XKR6: variants seen among roughly 807,000 people sequenced by gnomAD.
XKR6 encodes the protein XK-related protein 6.
A neutral mutation model predicts 56.7 loss-of-function variants in XKR6; 22 were observed. The observed-to-expected ratio is 0.39, with a 90% CI of 0.28 to 0.55. XKR6 has a LOEUF of 0.55. XKR6 is among the 20% of genes least tolerant of loss of function. XKR6 has a pLI of 0.66. For synonymous variants in XKR6, 524 were observed against 387.8 expected (o/e 1.35, Z -4.13); for missense variants, 852 against 889.0 (o/e 0.96, Z 0.53).
rs1020520216 is a variant in XKR6, at chr8:10,896,341, C to T, written c.*1611G>A. On this transcript the variant is annotated 3_prime_UTR_variant, in exon 3 of 3. Coordinates refer to ENST00000416569, the MANE Select transcript of XKR6 (RefSeq NM_173683.4). ...CAAATCCTCACCCAAATGGCATGGCCTCTAAGGCCTGCAGTCCGCTGCTGG... is the reference window on the plus strand; with the variant it reads ...CAAATCCTCACCCAAATGGCATGGCTTCTAAGGCCTGCAGTCCGCTGCTGG... 1.3e-5 allele frequency: 2 copies of T among 152,532 alleles called. No individual in the cohort carries two copies. The highest frequency in any genetic ancestry group is 2.4e-5 in the African/African-American group (1 of 41,404). The allele number at this position is 152,532 out of a possible 1,614,324, so 9.4% of individuals were successfully genotyped here.
At chr8:11,050,571 T>TAA (rs56370844) in intron 1 of XKR6, among the ~76,000 whole-genome samples, 1,502 of 142,078 alleles carry the variant, frequency 0.011, 19 homozygotes, top group African/African-American at 0.037. Flanking sequence ...TCATTTTATT[T>TAA]AAAAAAAAAA....
chr8:11,123,952 C>T (rs965417244), intron 1 of XKR6: 1 of 456,152 alleles, frequency 2.2e-6, no homozygotes, highest in Non-Finnish European at 4.4e-6. Context: ...AGAGGATCGG[C>T]TCCAGTGCTA....
chr8:11,056,443 C>A (rs574687437), intron 1 of XKR6, among the ~76,000 whole-genome samples: 1 of 152,188 alleles, frequency 6.6e-6, no homozygotes, highest in Admixed American at 6.5e-5. Flanking sequence ...CCTGTGTTCA[C>A]CCGGAAAGTG....
chr8:11,164,375 C>T (rs913355741), intron 1 of XKR6, among the ~76,000 whole-genome samples: 1 of 152,250 alleles, frequency 6.6e-6, no homozygotes, highest in African/African-American at 2.4e-5. Context: ...CCAGCACTTA[C>T]TCAGGGCTGT....
chr8:11,036,762 C>T lies in XKR6; in HGVS notation c.765-111932G>A, dbSNP rs181548213. Among the ~76,000 whole-genome samples, 9 of 152,278 alleles carry T rather than the reference C, an allele frequency of 5.9e-5. No individual in the cohort carries two copies. In the East Asian group the frequency reaches 1.5e-3, roughly 26 times the overall value. ...CACAATTTGAAAACAGCCCTTGAACCCTAAGTTATATACCAAATTTTAACA... is the reference window on the plus strand; with the variant it reads ...CACAATTTGAAAACAGCCCTTGAACTCTAAGTTATATACCAAATTTTAACA... On this transcript the variant is annotated intron_variant, in intron 1 of 2. Coordinates refer to ENST00000416569, the MANE Select transcript of XKR6 (RefSeq NM_173683.4).
chr8:10,907,742 G>C (rs183074031), intron 2 of XKR6, among the ~76,000 whole-genome samples: 6 of 152,278 alleles, frequency 3.9e-5, no homozygotes, highest in Admixed American at 2.6e-4. Flanking sequence ...TTATTAATTT[G>C]GTTAACATAT....
intron 1 of XKR6, among the ~76,000 whole-genome samples, chr8:10,949,843 C>A (rs1801665426): frequency 6.6e-6 from 1 of 152,118 alleles, no homozygotes; most frequent in Non-Finnish European, 1.5e-5. Context: ...TGAATCTCAG[C>A]AGCATCTCTG....
Position 11,201,795 on chromosome 8 carries a change from G to A in XKR6, c.-456C>T, listed in dbSNP as rs777465131. ...TTTTGGGGTCCCCTTCCTCAGCGTCGCAGCTCACAGCTTTCCTCCTGGAGA... is the reference window on the plus strand; with the variant it reads ...TTTTGGGGTCCCCTTCCTCAGCGTCACAGCTCACAGCTTTCCTCCTGGAGA... On this transcript the variant is annotated 5_prime_UTR_variant, in exon 1 of 3. Coordinates refer to ENST00000416569, the MANE Select transcript of XKR6 (RefSeq NM_173683.4). 6.6e-6 allele frequency among the ~76,000 whole-genome samples: 1 copy of A among 152,052 alleles called. No individual in the cohort carries two copies. Among genetic ancestry groups the A allele is most frequent in the Non-Finnish European group, 1.5e-5 (1 of 67,988 alleles).
At position 11,174,866 on chromosome 8, in the gene XKR6, C is replaced by G. The variant is rs187883513; in HGVS notation, c.764+25710G>C. Reference sequence around the variant, plus strand: ...GACCCCTTCACCTTTTCAAATGCCCCAAGTCTGCCTTCTGGACAAGACAGT... The same window carrying G: ...GACCCCTTCACCTTTTCAAATGCCCGAAGTCTGCCTTCTGGACAAGACAGT... On this transcript the variant is annotated intron_variant, in intron 1 of 2. Transcript: ENST00000416569. Among the ~76,000 whole-genome samples the G allele has an allele frequency of 1.6e-4, 24 of 152,306 alleles. No homozygotes were observed. The East Asian group carries it at 3.7e-3, about 23-fold the overall frequency.
intron 1 of XKR6, among the ~76,000 whole-genome samples, chr8:11,177,618 G>C (rs561062704): frequency 6.6e-6 from 1 of 152,318 alleles, no homozygotes; most frequent in South Asian, 2.1e-4. Context: ...TTCCTTATAA[G>C]GAGAGGAAAA....
intron 1 of XKR6, among the ~76,000 whole-genome samples, chr8:11,106,973 C>T (rs1365671296): frequency 1.3e-5 from 2 of 151,766 alleles, no homozygotes; most frequent in Admixed American, 1.3e-4. Context: ...GGAAGGGAGA[C>T]AGAAATCAAG....
At chr8:11,085,598 G>A (rs1428458579) in intron 1 of XKR6, among the ~76,000 whole-genome samples, 1 of 152,164 alleles carries the variant, frequency 6.6e-6, no homozygotes, top group Non-Finnish European at 1.5e-5. Flanking sequence ...GAGGGGGCCA[G>A]AGCGGGAGAT....
intron 1 of XKR6, among the ~76,000 whole-genome samples, chr8:11,091,586 C>T (rs986414188): frequency 5.3e-5 from 8 of 152,168 alleles, no homozygotes; most frequent in African/African-American, 1.9e-4. Context: ...CCAATGGTAC[C>T]ATTAAAGATG....
chr8:10,992,338 G>T (rs1232561736), intron 1 of XKR6, among the ~76,000 whole-genome samples: 1 of 151,864 alleles, frequency 6.6e-6, no homozygotes, highest in Non-Finnish European at 1.5e-5. Context: ...AGATTTTAGT[G>T]GCTGCTTATT....
At chr8:11,069,873 G>C (rs1800073375) in intron 1 of XKR6, among the ~76,000 whole-genome samples, 1 of 152,202 alleles carries the variant, frequency 6.6e-6, no homozygotes, top group Non-Finnish European at 1.5e-5. Flanking sequence ...GAAAACATCA[G>C]AGAAAAACTA....
At chr8:11,013,408 G>T (rs1263410508) in intron 1 of XKR6, among the ~76,000 whole-genome samples, 2 of 152,194 alleles carry the variant, frequency 1.3e-5, no homozygotes, top group Non-Finnish European at 2.9e-5. Flanking sequence ...CAGAGGTGAA[G>T]CTTCAGGATG....
chr8:11,179,555 C>T (rs1802857287), intron 1 of XKR6, among the ~76,000 whole-genome samples: 1 of 152,154 alleles, frequency 6.6e-6, no homozygotes, highest in Admixed American at 6.5e-5. Context: ...CCTTGTCTCT[C>T]CTCCCTCAAA....
At chr8:10,966,129 T>TC (rs1169191805) in intron 1 of XKR6, among the ~76,000 whole-genome samples, 1 of 152,194 alleles carries the variant, frequency 6.6e-6, no homozygotes, top group Non-Finnish European at 1.5e-5. Flanking sequence ...GCAGCGGTTC[T>TC]CAAACCTCGG....
intron 1 of XKR6, among the ~76,000 whole-genome samples, chr8:11,121,431 A>G (rs1308851174): frequency 3.9e-5 from 6 of 152,256 alleles, no homozygotes; most frequent in African/African-American, 1.4e-4. Context: ...AACACATGAA[A>G]AAATGCTCAT....
Sources: allele counts gnomAD v4.1 joint callset (sites outside exome capture counted in the v4.1 genomes callset), GRCh38; gene constraint gnomAD v4.1.1; transcripts MANE v1.5; gene names NCBI Gene and HGNC (gene_info 2026-07-23, HGNC 2026-07-21).